LRRC37A2: variants seen among roughly 807,000 people sequenced by gnomAD.
LRRC37A2 encodes leucine-rich repeat-containing protein 37A2.
Under a neutral mutation model 68.8 loss-of-function variants are expected in LRRC37A2, and 9 were observed. The observed-to-expected ratio is 0.13, with a 90% CI of 0.08 to 0.23. The LOEUF is 0.23. LRRC37A2 is among the 10% of genes least tolerant of loss of function. The pLI, the probability that LRRC37A2 is intolerant of heterozygous loss-of-function variation, is 1.00. For missense variants in LRRC37A2, 168 were observed against 950.4 expected (o/e 0.18, Z 10.82); for synonymous variants, 63 against 367.6 (o/e 0.17, Z 9.48).
chr17:46,750,284 C>T, the LRRC37A2 span, among the ~76,000 whole-genome samples: 10 of 152,234 alleles, frequency 6.6e-5, no homozygotes, highest in Non-Finnish European at 1.2e-4. Context: ...ACCCAGGAGG[C>T]GGAGGTTGCA....
At chr17:46,866,879 C>T in the LRRC37A2 span, among the ~76,000 whole-genome samples, 1 of 152,172 alleles carries the variant, frequency 6.6e-6, no homozygotes, top group African/African-American at 2.4e-5. Flanking sequence ...AAGAACAGGG[C>T]TTGGGGTCCT....
At chr17:46,964,112 C>T in the LRRC37A2 span, 1 of 152,250 alleles carries the variant, frequency 6.6e-6, no homozygotes, top group Non-Finnish European at 1.5e-5. Flanking sequence ...TTGGTATGGG[C>T]TCTCCTTTCC....
the LRRC37A2 span, among the ~76,000 whole-genome samples, chr17:46,821,891 G>A: frequency 1.3e-5 from 2 of 152,196 alleles, no homozygotes; most frequent in Non-Finnish European, 2.9e-5. Context: ...CAAAGAATCC[G>A]GTGGCCAGGC....
chr17:46,835,810 C>T, the LRRC37A2 span, among the ~76,000 whole-genome samples: 1 of 152,202 alleles, frequency 6.6e-6, no homozygotes, highest in Non-Finnish European at 1.5e-5. Flanking sequence ...TGCGCCCCCT[C>T]AGCCCCCTTC....
At chr17:46,374,958 CA>C in the LRRC37A2 span, among the ~76,000 whole-genome samples, 1 of 92,566 alleles carries the variant, frequency 1.1e-5, no homozygotes, top group African/African-American at 4.0e-5. Context: ...ATCATCCACC[CA>C]GTTATATAGG....
chr17:46,768,479 G>A, the LRRC37A2 span: 6 of 1,614,080 alleles, frequency 3.7e-6, no homozygotes, highest in African/African-American at 1.3e-5. This position sits in a 1 kb window ranked among gnomAD's most constrained non-coding sequence, Gnocchi z 5.0. Flanking sequence ...TGCCGTGGGA[G>A]GTGACATTGC....
At chr17:46,871,611 C>T in the LRRC37A2 span, among the ~76,000 whole-genome samples, 4 of 152,128 alleles carry the variant, frequency 2.6e-5, no homozygotes, top group East Asian at 5.8e-4. Flanking sequence ...ATATAATCCT[C>T]CCACCAACCC....
At chr17:46,516,536 T>C (rs2051361045) in intron 2 of LRRC37A2, among the ~76,000 whole-genome samples, 1 of 146,570 alleles carries the variant, frequency 6.8e-6, no homozygotes, top group Non-Finnish European at 1.5e-5. Flanking sequence ...AACGCATGGC[T>C]ACAGGTATGG....
At chr17:46,929,823 G>C in the LRRC37A2 span, 5 of 505,162 alleles carry the variant, frequency 9.9e-6, no homozygotes, top group African/African-American at 1.9e-5. Context: ...GGCCCTATGG[G>C]AATGGAAGCG....
the LRRC37A2 span, among the ~76,000 whole-genome samples, chr17:46,943,631 C>T: frequency 6.6e-6 from 1 of 152,132 alleles, no homozygotes; most frequent in Admixed American, 6.5e-5. Flanking sequence ...CAGGCGCCAT[C>T]GGGTAAGCGG....
chr17:46,958,987 A>C, the LRRC37A2 span, among the ~76,000 whole-genome samples: 4 of 152,338 alleles, frequency 2.6e-5, no homozygotes, highest in South Asian at 8.3e-4. Context: ...GCCAATGCAA[A>C]AATAAGAGGT....
At chr17:46,777,380 T>C in the LRRC37A2 span, among the ~76,000 whole-genome samples, 3 of 152,256 alleles carry the variant, frequency 2.0e-5, no homozygotes, top group Non-Finnish European at 4.4e-5. Flanking sequence ...AGGGGCTCCC[T>C]GCTTCCTGGT....
the LRRC37A2 span, among the ~76,000 whole-genome samples, chr17:46,982,925 C>T: frequency 6.6e-6 from 1 of 152,180 alleles, no homozygotes; most frequent in Non-Finnish European, 1.5e-5. Context: ...CAGGTACGTC[C>T]TGTTGGTGGT....
the LRRC37A2 span, chr17:46,749,947 A>G: frequency 3.8e-6 from 6 of 1,596,758 alleles, no homozygotes; most frequent in South Asian, 1.1e-5. Context: ...TTTATAAGAA[A>G]GGAATTGAGG....
the LRRC37A2 span, chr17:46,964,102 T>A: frequency 6.6e-6 from 1 of 152,064 alleles, no homozygotes; most frequent in Non-Finnish European, 1.5e-5. Flanking sequence ...TGTGGCTGAG[T>A]TGGTATGGGC....
chr17:46,872,423 A>T, the LRRC37A2 span: 120 of 1,394,688 alleles, frequency 8.6e-5, no homozygotes, highest in Non-Finnish European at 1.1e-4. Flanking sequence ...CCAGAAGGGC[A>T]GTAAATGAAG....
At chr17:46,868,979 T>G in the LRRC37A2 span, among the ~76,000 whole-genome samples, 1 of 152,234 alleles carries the variant, frequency 6.6e-6, no homozygotes, top group African/African-American at 2.4e-5. Context: ...ATGGTACTAT[T>G]TCTTCAAAGG....
At chr17:46,980,332 T>C in the LRRC37A2 span, among the ~76,000 whole-genome samples, 10 of 78,974 alleles carry the variant, frequency 1.3e-4, no homozygotes, top group Non-Finnish European at 2.0e-4. Flanking sequence ...TCCTTCTCCC[T>C]TTCCTTCTCT....
chr17:46,550,772 A>AT (rs1369577509), intron 11 of LRRC37A2, among the ~76,000 whole-genome samples: 49 of 80,828 alleles, frequency 6.1e-4, no homozygotes, highest in Middle Eastern at 9.6e-3. Flanking sequence ...TAAGAAGTCG[A>AT]AAATTTCTCC....
Sources: gnomAD v4.1 joint callset for allele counts (sites outside exome capture counted in the v4.1 genomes callset) on GRCh38, gnomAD v4.1.1 for gene constraint, Gnocchi (gnomAD v3.1) non-coding constraint, MANE v1.5 for transcripts, NCBI Gene and HGNC (gene_info 2026-07-23, HGNC 2026-07-21) for gene names.